CDH17: variants seen among roughly 807,000 people sequenced by gnomAD.
CDH17 encodes cadherin-17.
Under a neutral mutation model 86.3 loss-of-function variants are expected in CDH17, and 67 were observed. The observed-to-expected ratio is 0.78, with a 90% confidence interval of 0.64 to 0.95. The LOEUF is 0.95. Ranked by LOEUF, CDH17 falls within the 40% of genes least tolerant of loss-of-function variation. CDH17 has a pLI of 0.00. For missense variants in CDH17, 993 were observed against 1,017.6 expected (o/e 0.98, Z 0.33); for synonymous variants, 367 against 366.4 (o/e 1.00, Z -0.02).
In CDH17 at chr8:94,170,910, CA is replaced by C; in HGVS notation, c.858del (p.Ile286MetfsTer9). The C allele has an allele frequency of 6.2e-7, 1 of 1,613,830 alleles. No individual in the cohort carries two copies. The highest frequency in any genetic ancestry group is 1.1e-5 in the South Asian group (1 of 91,054). On this transcript the variant is annotated frameshift_variant, in exon 8 of 18. Coordinates refer to ENST00000027335, the MANE Select transcript of CDH17 (RefSeq NM_004063.4). LOFTEE classifies it high-confidence loss of function. ...KEKLPRFPFS[I>X]DQEGDIYVTQ... is the part of the protein sequence containing the mutation. ...GTCACGTAAATATCTCCTTCCTGGTCAATTGAAAATGGGAATCTTGGCAGCT... is the reference window on the plus strand; with the variant it reads ...GTCACGTAAATATCTCCTTCCTGGTCATTGAAAATGGGAATCTTGGCAGCT...
chr8:94,198,492 T>G (rs999646752), intron 1 of CDH17, among the ~76,000 whole-genome samples: 2 of 152,230 alleles, frequency 1.3e-5, no homozygotes, highest in Non-Finnish European at 2.9e-5. Context: ...TTCTGTAATA[T>G]TAGCAAAATG....
intron 12 of CDH17, among the ~76,000 whole-genome samples, chr8:94,153,255 T>C (rs183894743): frequency 3.3e-5 from 5 of 151,970 alleles, no homozygotes; most frequent in Admixed American, 3.3e-4. Context: ...AGCCAACAAG[T>C]ATATGGAAAA....
chr8:94,204,382 T>G (rs1813983448), intron 1 of CDH17, among the ~76,000 whole-genome samples: 1 of 152,112 alleles, frequency 6.6e-6, no homozygotes, highest in Non-Finnish European at 1.5e-5. Flanking sequence ...CCCTTATGAG[T>G]GAGAACATGC....
At chr8:94,155,431 C>G (rs377296423) in intron 12 of CDH17, among the ~76,000 whole-genome samples, 48 of 152,130 alleles carry the variant, frequency 3.2e-4, no homozygotes, top group African/African-American at 1.2e-3. Flanking sequence ...TGTTCCTATC[C>G]AGTCCAGCAA....
chr8:94,199,056 TA>T lies in CDH17; in HGVS notation c.-20-4352del, dbSNP rs1563589359. Among the ~76,000 whole-genome samples the T allele has an allele frequency of 1.0e-3, 23 of 22,624 alleles. 1 individual carries two copies. Among genetic ancestry groups the T allele is most frequent in the African/African-American group, 4.1e-3 (20 of 4,900 alleles). The allele number at this position is 22,624 out of a possible 152,430, so 14.8% of individuals were successfully genotyped here. On this transcript the variant is annotated intron_variant, in intron 1 of 17. Coordinates refer to ENST00000027335, the MANE Select transcript of CDH17 (RefSeq NM_004063.4). ...TCTGATTGATATATATATATATATA[TA>T]TATATATATATATATATATATATAT...
At chr8:94,214,914 C>T (rs1814172045) in intron 1 of CDH17, among the ~76,000 whole-genome samples, 2 of 151,970 alleles carry the variant, frequency 1.3e-5, no homozygotes, top group African/African-American at 4.8e-5. Flanking sequence ...AAATCAAAAC[C>T]ACAATAAGAT....
chr8:94,195,609 T>A (rs926914506), intron 1 of CDH17, among the ~76,000 whole-genome samples: 64 of 152,204 alleles, frequency 4.2e-4, no homozygotes, highest in Non-Finnish European at 6.9e-4. Flanking sequence ...CCTTAAGGCT[T>A]CCCATTTCAC....
intron 1 of CDH17, chr8:94,202,924 A>G: frequency 3.1e-6 from 1 of 317,484 alleles, no homozygotes. Context: ...TGAGGACAGG[A>G]TTTTGGGCTT....
intron 3 of CDH17, among the ~76,000 whole-genome samples, chr8:94,188,727 G>A (rs1479170160): frequency 6.6e-6 from 1 of 152,218 alleles, no homozygotes; most frequent in Non-Finnish European, 1.5e-5. Flanking sequence ...CCTTGACAAT[G>A]GCCCACATGG....
At chr8:94,170,141 A>T (rs537456953) in intron 9 of CDH17, among the ~76,000 whole-genome samples, 1 of 152,288 alleles carries the variant, frequency 6.6e-6, no homozygotes, top group South Asian at 2.1e-4. Context: ...TACTAATGAT[A>T]GTAGTAAGGT....
intron 10 of CDH17, among the ~76,000 whole-genome samples, chr8:94,163,932 C>A (rs1160975720): frequency 6.6e-6 from 1 of 152,160 alleles, no homozygotes; most frequent in East Asian, 1.9e-4. Context: ...AAAAGGCCTT[C>A]CCTGGTTTTA....
chr8:94,190,686 A>G (rs905242894), intron 2 of CDH17, among the ~76,000 whole-genome samples: 1 of 152,218 alleles, frequency 6.6e-6, no homozygotes, highest in Admixed American at 6.5e-5. Flanking sequence ...TGAACTGGGT[A>G]TGCAGGACAG....
rs939311093 is a variant in CDH17 at position 94,127,880 on chromosome 8, C to T, written c.*360G>A. 10 of 212,236 alleles carry T rather than the reference C, an allele frequency of 4.7e-5. No individual in the cohort carries two copies. The highest frequency in any genetic ancestry group is 2.1e-4 in the Admixed American group (4 of 18,748). The allele number at this position is 212,236 out of a possible 1,614,324, so 13.1% of individuals were successfully genotyped here. A position where few individuals can be genotyped will look rare whatever the true frequency, so the allele number is the denominator to read the frequency against. ...AGACCAAGGCAGGCAGATCACTTGA[C>T]GTCAGGAGTTCAAGACCAGCCTGGC... On this transcript the variant is annotated 3_prime_UTR_variant, in exon 18 of 18. Coordinates refer to ENST00000027335, the MANE Select transcript of CDH17 (RefSeq NM_004063.4).
chr8:94,190,011 C>T (rs1813656792), intron 2 of CDH17, among the ~76,000 whole-genome samples: 1 of 138,418 alleles, frequency 7.2e-6, no homozygotes, highest in Admixed American at 7.0e-5. Context: ...TCTGCAGACA[C>T]CCAAGTCAAG....
chr8:94,151,050 G>A (rs1053353643), intron 13 of CDH17, among the ~76,000 whole-genome samples: 11 of 152,192 alleles, frequency 7.2e-5, no homozygotes, highest in African/African-American at 2.7e-4. Context: ...GATGTTTAGA[G>A]AAACTTAAGG....
intron 2 of CDH17, among the ~76,000 whole-genome samples, chr8:94,193,389 T>C (rs1229860239): frequency 6.6e-6 from 1 of 152,242 alleles, no homozygotes; most frequent in Non-Finnish European, 1.5e-5. Flanking sequence ...GTAGTAATTA[T>C]AGTAGCTAAT....
At chr8:94,133,166 A>G (rs964011401) in intron 15 of CDH17, among the ~76,000 whole-genome samples, 5 of 152,092 alleles carry the variant, frequency 3.3e-5, no homozygotes, top group African/African-American at 1.2e-4. Context: ...TTTTGGTTCC[A>G]TATGAACTTT....
intron 10 of CDH17, 50 bp downstream of exon 10, chr8:94,165,711 C>G: frequency 8.1e-7 from 1 of 1,227,332 alleles, no homozygotes; most frequent in Non-Finnish European, 1.2e-6. Flanking sequence ...TAACTCATAG[C>G]TAGAAGGAAA....
chr8:94,170,579 C>T (rs1465591834), intron 8 of CDH17, 32 bp from the exon 9 acceptor site: 18 of 1,605,574 alleles, frequency 1.1e-5, no homozygotes, highest in African/African-American at 1.3e-5. Flanking sequence ...TAAGGCAAGA[C>T]TCACCCACCA....
Sources: allele counts gnomAD v4.1 joint callset (sites outside exome capture counted in the v4.1 genomes callset), GRCh38; gene constraint gnomAD v4.1.1; transcripts MANE v1.5; gene names NCBI Gene and HGNC (gene_info 2026-07-23, HGNC 2026-07-21).